NOX4: variants seen among roughly 807,000 people sequenced by gnomAD.
NOX4 encodes NADPH oxidase 4, also known as kidney oxidase-1.
A neutral mutation model predicts 87.6 loss-of-function variants in NOX4; 69 were observed. The observed-to-expected ratio is 0.79, with a 90% CI of 0.65 to 0.96. The LOEUF (loss-of-function observed/expected upper bound fraction) is 0.96, where lower values mean the gene tolerates loss of function less well. NOX4 is among the 40% of genes least tolerant of loss of function. The pLI is 0.00. For missense variants in NOX4, 680 were observed against 681.5 expected (o/e 1.00, Z 0.02); for synonymous variants, 275 against 238.2 (o/e 1.15, Z -1.42).
At chr11:89,418,395 G>T (rs564854529) in intron 8 of NOX4, among the ~76,000 whole-genome samples, 22 of 148,878 alleles carry the variant, frequency 1.5e-4, no homozygotes, top group Admixed American at 2.7e-4. Flanking sequence ...ATCTCTCACT[G>T]CTCCTATTCT....
chr11:89,553,903 A>G, the NOX4 span, among the ~76,000 whole-genome samples: 1 of 146,796 alleles, frequency 6.8e-6, no homozygotes, highest in Non-Finnish European at 1.5e-5. Context: ...TAATGACAAG[A>G]GGTAGTTTTG....
the NOX4 span, among the ~76,000 whole-genome samples, chr11:89,524,106 T>C: frequency 3.9e-5 from 6 of 152,292 alleles, no homozygotes; most frequent in South Asian, 1.2e-3. Flanking sequence ...TGTCAAAATC[T>C]TTCTAATGCA....
intron 17 of NOX4, among the ~76,000 whole-genome samples, chr11:89,334,974 T>G (rs1397826708): frequency 6.6e-6 from 1 of 151,752 alleles, no homozygotes; most frequent in South Asian, 2.1e-4. Context: ...GAAGAGTTTA[T>G]GTATTTTTGT....
At chr11:89,358,112 T>C (rs528802022) in intron 12 of NOX4, among the ~76,000 whole-genome samples, 1 of 152,066 alleles carries the variant, frequency 6.6e-6, no homozygotes, top group African/African-American at 2.4e-5. Context: ...AGGCAGGGCA[T>C]GGTGGCTCAC....
intron 4 of NOX4, 113 bp downstream of exon 4, chr11:89,449,327 C>T: frequency 1.4e-6 from 1 of 694,446 alleles, no homozygotes; most frequent in Non-Finnish European, 2.3e-6. Context: ...AGTGGTTGTT[C>T]TGGAAGAATA....
chr11:89,560,984 C>G, the NOX4 span, among the ~76,000 whole-genome samples: 1 of 75,938 alleles, frequency 1.3e-5, no homozygotes, highest in Non-Finnish European at 2.4e-5. Flanking sequence ...CTCTCTCTCT[C>G]TCTCTCTCTC....
At chr11:89,574,000 C>T in the NOX4 span, among the ~76,000 whole-genome samples, 1 of 152,198 alleles carries the variant, frequency 6.6e-6, no homozygotes, top group Non-Finnish European at 1.5e-5. Context: ...CCTCTTAATG[C>T]ATATGCCTGG....
chr11:89,566,008 A>C, the NOX4 span, among the ~76,000 whole-genome samples: 1 of 151,478 alleles, frequency 6.6e-6, no homozygotes, highest in African/African-American at 2.4e-5. Flanking sequence ...ATCTCTGTAT[A>C]TAAATGAAAT....
At chr11:89,453,779 A>T (rs1282361139) in intron 2 of NOX4, among the ~76,000 whole-genome samples, 2 of 152,194 alleles carry the variant, frequency 1.3e-5, no homozygotes, top group Non-Finnish European at 2.9e-5. Context: ...TGGAGCCAGA[A>T]TTCAAACCCA....
chr11:89,550,515 G>A, the NOX4 span, among the ~76,000 whole-genome samples: 1 of 152,096 alleles, frequency 6.6e-6, no homozygotes, highest in East Asian at 1.9e-4. Flanking sequence ...CTATCTCATT[G>A]TGGTTTTGAT....
chr11:89,454,954 C>T (rs1435168274), intron 2 of NOX4, among the ~76,000 whole-genome samples: 1 of 152,076 alleles, frequency 6.6e-6, no homozygotes, highest in African/African-American at 2.4e-5. Flanking sequence ...GAATCTATGA[C>T]TCTTTTCATC....
At chr11:89,405,311 G>A (rs1942108094) in intron 8 of NOX4, among the ~76,000 whole-genome samples, 1 of 151,992 alleles carries the variant, frequency 6.6e-6, no homozygotes, top group Non-Finnish European at 1.5e-5. Flanking sequence ...GGCACATAAA[G>A]TGGCACGTAT....
intron 15 of NOX4, among the ~76,000 whole-genome samples, chr11:89,338,922 T>C (rs1190998771): frequency 6.6e-6 from 1 of 152,132 alleles, no homozygotes; most frequent in Non-Finnish European, 1.5e-5. Context: ...AACCTGAATC[T>C]CAGAACCTGA....
intron 17 of NOX4, among the ~76,000 whole-genome samples, chr11:89,335,063 A>C (rs781207659): frequency 2.0e-5 from 3 of 151,800 alleles, no homozygotes; most frequent in African/African-American, 7.2e-5. Flanking sequence ...ACAAAATGTC[A>C]ATATCTGCAA....
At chr11:89,461,646 A>AT (rs1430132862) in intron 2 of NOX4, among the ~76,000 whole-genome samples, 9 of 148,698 alleles carry the variant, frequency 6.1e-5, no homozygotes, top group African/African-American at 2.3e-4. Flanking sequence ...CTCCATCTCA[A>AT]AAAATAAATA....
intron 2 of NOX4, among the ~76,000 whole-genome samples, chr11:89,485,998 T>C (rs1946573969): frequency 6.6e-6 from 1 of 152,150 alleles, no homozygotes; most frequent in Non-Finnish European, 1.5e-5. Flanking sequence ...AGGATAATCA[T>C]GATGAGAACC....
chr11:89,570,001 CAAAAA>C, the NOX4 span, among the ~76,000 whole-genome samples: 1 of 109,942 alleles, frequency 9.1e-6, no homozygotes, highest in Admixed American at 8.9e-5. Context: ...GACTCTGTCT[CAAAAA>C]AAAAAAAAAA....
the NOX4 span, among the ~76,000 whole-genome samples, chr11:89,521,412 A>G: frequency 1.2e-4 from 19 of 152,278 alleles, no homozygotes; most frequent in East Asian, 3.7e-3. Flanking sequence ...GACAAAGTCA[A>G]CAAAAATAAG....
the NOX4 span, among the ~76,000 whole-genome samples, chr11:89,511,286 A>T: frequency 1.3e-5 from 2 of 151,976 alleles, no homozygotes. Context: ...ATTTTGGGAC[A>T]TACAATACAT....
Sources: allele counts gnomAD v4.1 joint callset (sites outside exome capture counted in the v4.1 genomes callset), GRCh38; gene constraint gnomAD v4.1.1; transcripts MANE v1.5; gene names NCBI Gene and HGNC (gene_info 2026-07-23, HGNC 2026-07-21).